AFF4: variants seen among roughly 807,000 people sequenced by gnomAD.
AFF4 encodes ALF transcription elongation factor 4.
Under a neutral mutation model 124.8 loss-of-function variants are expected in AFF4, and 13 were observed. The ratio of observed to expected loss-of-function variants is 0.10; its 90% CI spans 0.07 to 0.17. The LOEUF is 0.17. Ranked by LOEUF, AFF4 falls within the 10% of genes least tolerant of loss-of-function variation. AFF4 has a pLI of 1.00. For missense variants in AFF4, 1,092 were observed against 1,403.8 expected (o/e 0.78, Z 3.55); for synonymous variants, 477 against 496.1 (o/e 0.96, Z 0.51).
intron 16 of AFF4, 55 bp downstream of exon 16, chr5:132,887,791 G>C (rs189852169): frequency 6.3e-7 from 1 of 1,598,128 alleles, no homozygotes; most frequent in Admixed American, 1.7e-5. Flanking sequence ...CCTCTTCCTT[G>C]ATGGACCAGA....
At position 132,930,587 on chromosome 5, in the gene AFF4, GC is replaced by G. The variant is rs1430101821; in HGVS notation, c.963+1590del. Among the ~76,000 whole-genome samples the G allele has an allele frequency of 6.6e-5, 10 of 152,034 alleles. No homozygotes were observed. The East Asian group carries it at 9.7e-4, about 15-fold the overall frequency. On this transcript the variant is annotated intron_variant, in intron 4 of 20. Transcript: ENST00000265343. The stretch of plus-strand genomic sequence containing the variant: ...AAAGAAAAGAGTGGAAGCAACCAAT[GC>G]AGGTAGTCTTTCAAAGGTGTTCACA...
chr5:132,884,384 C>T (rs1358711117), intron 19 of AFF4, among the ~76,000 whole-genome samples: 1 of 152,050 alleles, frequency 6.6e-6, no homozygotes, highest in African/African-American at 2.4e-5. Context: ...GGATTACAGG[C>T]GCGCACGACA....
At position 132,875,615 on chromosome 5, in the gene AFF4, C is replaced by T. The variant is rs1025573275; in HGVS notation, c.*5444G>A. 2.6e-5 allele frequency: 5 copies of T among 195,738 alleles called. No individual in the cohort carries two copies. Among genetic ancestry groups the T allele is most frequent in the African/African-American group, 6.9e-5 (3 of 43,166 alleles). 12.1% of individuals were successfully genotyped at this position (195,738 alleles called of 1,614,324 possible). Reference sequence around the variant, plus strand: ...TAAACTTTCTATACTCTCAATACCACAAAATACATATAATATACTATACAG... The same window carrying T: ...TAAACTTTCTATACTCTCAATACCATAAAATACATATAATATACTATACAG... On this transcript the variant is annotated 3_prime_UTR_variant, in exon 21 of 21. Transcript: ENST00000265343.
At chr5:132,958,284 G>A (rs997975398) in intron 1 of AFF4, among the ~76,000 whole-genome samples, 6 of 151,740 alleles carry the variant, frequency 4.0e-5, no homozygotes, top group East Asian at 1.9e-4. Context: ...ACAACAGGGC[G>A]AAACCCCATT....
intron 6 of AFF4, chr5:132,904,133 C>T: frequency 2.4e-6 from 1 of 409,670 alleles, no homozygotes. Context: ...GGCATGTGCC[C>T]ACAGTCCCAG....
intron 13 of AFF4, among the ~76,000 whole-genome samples, chr5:132,890,159 T>G (rs2150068148): frequency 6.6e-6 from 1 of 151,276 alleles, no homozygotes; most frequent in East Asian, 1.9e-4. Context: ...ATATAAAATT[T>G]TTTATATTTA....
chr5:132,940,617 C>T (rs906473548), intron 1 of AFF4, among the ~76,000 whole-genome samples: 1 of 152,080 alleles, frequency 6.6e-6, no homozygotes, highest in African/African-American at 2.4e-5. Context: ...TAGGTGATTC[C>T]TATAATAAAA....
chr5:132,917,696 T>C (rs867194791), intron 5 of AFF4, among the ~76,000 whole-genome samples: 142 of 98,504 alleles, frequency 1.4e-3, no homozygotes, highest in African/African-American at 4.3e-3. Context: ...TTTCTTTTTC[T>C]TTTCTTTTCT....
chr5:132,934,075 C>A, intron 3 of AFF4, 72 bp downstream of exon 3: 2 of 1,476,166 alleles, frequency 1.4e-6, no homozygotes, highest in South Asian at 1.3e-5. Flanking sequence ...TGTTCAAGTT[C>A]AATCGTAATT....
Position 132,963,487 on chromosome 5 carries a change from G to A in AFF4, c.-233C>T, listed in dbSNP as rs1762129178. The A allele has an allele frequency of 1.0e-5, 4 of 397,934 alleles. No homozygotes were observed. Among genetic ancestry groups the A allele is most frequent in the Non-Finnish European group, 1.3e-5 (3 of 225,686 alleles). The allele number at this position is 397,934 out of a possible 1,614,324, so 24.7% of individuals were successfully genotyped here. The stretch of plus-strand genomic sequence containing the variant: ...CTCACACGGAACAGGCGTAGGCCCC[G>A]CACCGCTCCATGACGGTCGGGCCCG... On this transcript the variant is annotated 5_prime_UTR_variant, in exon 1 of 21. Coordinates refer to ENST00000265343, the MANE Select transcript of AFF4 (RefSeq NM_014423.4).
At chr5:132,901,614 A>G (rs758025956) in intron 7 of AFF4, among the ~76,000 whole-genome samples, 13 of 152,194 alleles carry the variant, frequency 8.5e-5, no homozygotes, top group Non-Finnish European at 1.9e-4. Context: ...ACATTTTTAT[A>G]TATATTCCTG....
At position 132,878,672 on chromosome 5, in the gene AFF4, C is replaced by T. The variant is rs1194116663; in HGVS notation, c.*2387G>A. 4 of 227,206 alleles carry T rather than the reference C, an allele frequency of 1.8e-5. No individual in the cohort carries two copies. The East Asian group carries it at 2.5e-4, about 14-fold the overall frequency. 14.1% of individuals were successfully genotyped at this position (227,206 alleles called of 1,614,324 possible). A position where few individuals can be genotyped will look rare whatever the true frequency, so the allele number is the denominator to read the frequency against. ...ACTACCTTGTGGGAAAAATCCTCCA[C>T]AATGAAAAGGTTGAAAAATTCATTC... is the stretch of plus-strand genomic sequence containing the variant. On this transcript the variant is annotated 3_prime_UTR_variant, in exon 21 of 21. Transcript: ENST00000265343.
intron 5 of AFF4, 95 bp downstream of exon 5, chr5:132,927,026 G>A: frequency 1.0e-6 from 1 of 989,978 alleles, no homozygotes; most frequent in Non-Finnish European, 1.5e-6. Context: ...TCTCCCACTA[G>A]AATAGGAATG....
At chr5:132,883,661 G>T in intron 19 of AFF4, 101 bp from the exon 20 acceptor site, 1 of 1,066,394 alleles carries the variant, frequency 9.4e-7, no homozygotes, top group Non-Finnish European at 1.4e-6. Context: ...AAAATGTAAA[G>T]ATTCTCTTAA....
chr5:132,930,877 C>T (rs1227406370), intron 4 of AFF4, among the ~76,000 whole-genome samples: 1 of 141,970 alleles, frequency 7.0e-6, no homozygotes, highest in Non-Finnish European at 1.5e-5. Flanking sequence ...GAGGCCAAGG[C>T]AGGCAGACAG....
chr5:132,910,479 C>T (rs995701214), intron 5 of AFF4, among the ~76,000 whole-genome samples: 8 of 152,194 alleles, frequency 5.3e-5, no homozygotes, highest in Non-Finnish European at 1.2e-4. Flanking sequence ...CTAGGTATAA[C>T]AACTTTCTCC....
intron 20 of AFF4, among the ~76,000 whole-genome samples, chr5:132,882,415 T>A (rs1004024257): frequency 6.6e-6 from 1 of 152,152 alleles, no homozygotes; most frequent in African/African-American, 2.4e-5. Context: ...CATGCACATA[T>A]TTGCTAATAA....
intron 1 of AFF4, among the ~76,000 whole-genome samples, chr5:132,951,167 C>T (rs145037611): frequency 3.3e-5 from 5 of 151,498 alleles, no homozygotes; most frequent in African/African-American, 9.7e-5. Context: ...GAGGTTGCAG[C>T]GAGCAGAGAT....
intron 4 of AFF4, 77 bp downstream of exon 4, chr5:132,932,101 C>A: frequency 3.1e-6 from 3 of 983,174 alleles, no homozygotes; most frequent in East Asian, 2.8e-5. Context: ...TTGTGAAATA[C>A]AGGTAGAAAG....
Sources: gnomAD v4.1 joint callset for allele counts (sites outside exome capture counted in the v4.1 genomes callset) on GRCh38, gnomAD v4.1.1 for gene constraint, MANE v1.5 for transcripts, NCBI Gene and HGNC (gene_info 2026-07-23, HGNC 2026-07-21) for gene names.